Variants in SYN2 observed in about 807,000 individuals in gnomAD.
SYN2 encodes synapsin-2.
Under a neutral mutation model 50.9 loss-of-function variants are expected in SYN2, and 19 were observed. The observed-to-expected ratio is 0.37, with a 90% CI of 0.26 to 0.55. The LOEUF (loss-of-function observed/expected upper bound fraction) is 0.55. Among genes scored for constraint, SYN2 ranks in the 20% least tolerant of loss-of-function variants. SYN2 has a pLI of 0.81. For missense variants in SYN2, 587 were observed against 576.4 expected, an observed-to-expected ratio of 1.02 and a Z score of -0.19; for synonymous variants, 255 against 224.9, an observed-to-expected ratio of 1.13 and a Z score of -1.20.
chr3:12,064,534 A>G (rs1347505349), intron 1 of SYN2, among the ~76,000 whole-genome samples: 1 of 152,142 alleles, frequency 6.6e-6, no homozygotes, highest in African/African-American at 2.4e-5. Context: ...TAATTCAACA[A>G]TAAAGAGACA....
intron 10 of SYN2, among the ~76,000 whole-genome samples, chr3:12,176,195 G>A (rs111393711): frequency 4.2e-4 from 64 of 152,316 alleles, no homozygotes; most frequent in African/African-American, 1.5e-3. Context: ...CTAGGGCTCT[G>A]ATGAGGTGTG....
intron 1 of SYN2, among the ~76,000 whole-genome samples, chr3:12,052,190 T>C (rs1399898101): frequency 3.3e-5 from 5 of 152,214 alleles, no homozygotes; most frequent in Non-Finnish European, 1.5e-5. Context: ...ATGCTATATA[T>C]CATTTTAAAA....
chr3:12,112,899 A>G (rs538427883), intron 1 of SYN2, among the ~76,000 whole-genome samples: 1 of 152,338 alleles, frequency 6.6e-6, no homozygotes, highest in Non-Finnish European at 1.5e-5. Flanking sequence ...AAATTCTATG[A>G]TAGTCCAGAG....
intron 5 of SYN2, among the ~76,000 whole-genome samples, chr3:12,155,163 G>A (rs35839040): frequency 0.079 from 12,066 of 151,980 alleles, 579 homozygotes; most frequent in African/African-American, 0.13. Context: ...AACCTCAGTC[G>A]CTCAATCATT....
chr3:12,059,637 C>T (rs989055678), intron 1 of SYN2, among the ~76,000 whole-genome samples: 1 of 152,074 alleles, frequency 6.6e-6, no homozygotes, highest in African/African-American at 2.4e-5. Flanking sequence ...TTAGCTTCTA[C>T]AGGGGAATCA....
chr3:12,063,720 T>C (rs1307826200), intron 1 of SYN2, among the ~76,000 whole-genome samples: 1 of 151,986 alleles, frequency 6.6e-6, no homozygotes, highest in Admixed American at 6.6e-5. Flanking sequence ...TGAAGCCCAA[T>C]TGAAAGGGTT....
chr3:12,037,321 G>A (rs190629648), intron 1 of SYN2, among the ~76,000 whole-genome samples: 31 of 152,218 alleles, frequency 2.0e-4, no homozygotes, highest in African/African-American at 7.5e-4. Flanking sequence ...CATTTTTAAA[G>A]CTACATCCAC....
intron 5 of SYN2, among the ~76,000 whole-genome samples, chr3:12,158,161 G>A (rs1198179602): frequency 4.6e-5 from 7 of 152,152 alleles, no homozygotes; most frequent in South Asian, 2.1e-4. Context: ...CAAGGAGCCC[G>A]GGAGCCTGCA....
intron 2 of SYN2, among the ~76,000 whole-genome samples, chr3:12,141,068 G>C (rs536141548): frequency 1.4e-4 from 22 of 152,254 alleles, no homozygotes; most frequent in African/African-American, 5.3e-4. Flanking sequence ...GATATTTCTC[G>C]GTAGGCACAT....
chr3:12,009,501 G>A (rs1047535683), intron 1 of SYN2, among the ~76,000 whole-genome samples: 3 of 152,180 alleles, frequency 2.0e-5, no homozygotes, highest in Admixed American at 1.3e-4. Flanking sequence ...CTAGCCTAGA[G>A]AAATGGAACA....
Position 12,145,855 on chromosome 3 carries a change from C to G in SYN2, c.684+20C>G. On this transcript the variant is annotated intron_variant, in intron 4 of 12. Coordinates refer to ENST00000621198, the MANE Select transcript of SYN2 (RefSeq NM_133625.6). Reference sequence around the variant, plus strand: ...TGGGTGGTGAGTGAGGCCCCCTTCCCCCAAGTAAAAGGGTAGGATTCAGGC... The same window carrying G: ...TGGGTGGTGAGTGAGGCCCCCTTCCGCCAAGTAAAAGGGTAGGATTCAGGC... 1.9e-6 allele frequency: 3 copies of G among 1,613,130 alleles called. No homozygotes were observed. Among genetic ancestry groups the G allele is most frequent in the Non-Finnish European group, 2.5e-6 (3 of 1,179,494 alleles).
At chr3:12,149,560 C>T (rs777170543) in intron 4 of SYN2, among the ~76,000 whole-genome samples, 9 of 152,194 alleles carry the variant, frequency 5.9e-5, no homozygotes, top group African/African-American at 1.4e-4. Flanking sequence ...GGATGTGATC[C>T]GGGAGCCTGC....
intron 4 of SYN2, among the ~76,000 whole-genome samples, chr3:12,148,985 A>G (rs1697217462): frequency 6.6e-6 from 1 of 152,154 alleles, no homozygotes. Flanking sequence ...GATTTAATCT[A>G]AGTTTCCAGG....
At chr3:12,011,152 G>A (rs1482099445) in intron 1 of SYN2, among the ~76,000 whole-genome samples, 1 of 152,170 alleles carries the variant, frequency 6.6e-6, no homozygotes, top group Non-Finnish European at 1.5e-5. Context: ...AAAAAGCTGT[G>A]TATATTGAGT....
chr3:12,054,916 A>T (rs1395108485), intron 1 of SYN2, among the ~76,000 whole-genome samples: 1 of 152,102 alleles, frequency 6.6e-6, no homozygotes, highest in Non-Finnish European at 1.5e-5. Flanking sequence ...TTTCTTCAAA[A>T]TTTAGAAAAG....
In SYN2 at chr3:12,176,077, C is replaced by G. The variant is rs547537353; in HGVS notation, c.1308+6171C>G. On this transcript the variant is annotated intron_variant, in intron 10 of 12. Coordinates refer to ENST00000621198, the MANE Select transcript of SYN2 (RefSeq NM_133625.6). The stretch of plus-strand genomic sequence containing the variant: ...CACTCATGGCCAAAGCCTCCAGGCT[C>G]TATACCTGCAGAGTCTCTTCCCTGT... Among the ~76,000 whole-genome samples, 8 of 152,318 alleles carry G rather than the reference C, an allele frequency of 5.3e-5. No individual in the cohort carries two copies. The East Asian group carries it at 5.8e-4, about 11-fold the overall frequency.
chr3:12,043,232 C>T (rs771799774), intron 1 of SYN2, among the ~76,000 whole-genome samples: 5 of 152,048 alleles, frequency 3.3e-5, no homozygotes, highest in Non-Finnish European at 7.4e-5. Flanking sequence ...CTGTGTTCCC[C>T]AGGCTGGTCT....
intron 4 of SYN2, among the ~76,000 whole-genome samples, chr3:12,149,672 AG>A (rs1478327091): frequency 6.6e-6 from 1 of 152,156 alleles, no homozygotes; most frequent in Admixed American, 6.5e-5. Context: ...TAGGGGCTTG[AG>A]GGTCCATGAA....
Position 12,148,185 on chromosome 3 carries a change from G to C in SYN2, c.684+2350G>C, listed in dbSNP as rs536093183. Among the ~76,000 whole-genome samples the C allele has an allele frequency of 4.6e-5, 7 of 152,302 alleles. 1 individual carries two copies. The South Asian group carries it at 1.5e-3, about 32-fold the overall frequency. ...GCCAGAGGCCAGGGCAGGAAGAATG[G>C]GGAGAGCCTGTGGCTAGGGCTTTGC... On this transcript the variant is annotated intron_variant, in intron 4 of 12. Coordinates refer to ENST00000621198, the MANE Select transcript of SYN2 (RefSeq NM_133625.6).
Sources: allele counts gnomAD v4.1 joint callset (sites outside exome capture counted in the v4.1 genomes callset), GRCh38; gene constraint gnomAD v4.1.1; transcripts MANE v1.5; gene names NCBI Gene and HGNC (gene_info 2026-07-23, HGNC 2026-07-21).